SOX5: variants seen among roughly 807,000 people sequenced by gnomAD.
SOX5 encodes the protein transcription factor SOX-5.
A neutral mutation model predicts 92.0 loss-of-function variants in SOX5; 9 were observed. The observed-to-expected ratio is 0.10, with a 90% CI of 0.06 to 0.17. The LOEUF (loss-of-function observed/expected upper bound fraction) is 0.17, where lower values mean the gene tolerates loss of function less well. Ranked by LOEUF, SOX5 falls within the 10% of genes least tolerant of loss-of-function variation. SOX5 has a pLI of 1.00. For missense variants in SOX5, 642 were observed against 944.5 expected (o/e 0.68, Z 4.20); for synonymous variants, 344 against 336.3 (o/e 1.02, Z -0.25).
At chr12:24,048,856 G>A (rs1592670656) in intron 4 of SOX5, among the ~76,000 whole-genome samples, 2 of 152,224 alleles carry the variant, frequency 1.3e-5, no homozygotes, top group East Asian at 3.9e-4. Flanking sequence ...ATGGCTGTTA[G>A]TGTTTCTAGG....
At chr12:23,581,181 T>C (rs10842185) in intron 9 of SOX5, among the ~76,000 whole-genome samples, 13,833 of 152,024 alleles carry the variant, frequency 0.091, 683 homozygotes, top group South Asian at 0.14. Flanking sequence ...CCTTAGCTTT[T>C]CAAGTCTTTG....
At chr12:24,120,246 C>T (rs1244165430) in intron 4 of SOX5, among the ~76,000 whole-genome samples, 1 of 152,240 alleles carries the variant, frequency 6.6e-6, no homozygotes, top group South Asian at 2.1e-4. Flanking sequence ...TACTGCTGAA[C>T]GGTTTCCTGA....
chr12:23,925,545 A>C (rs1939717816), intron 1 of SOX5, among the ~76,000 whole-genome samples: 1 of 152,118 alleles, frequency 6.6e-6, no homozygotes, highest in Non-Finnish European at 1.5e-5. Context: ...AAATATGAAG[A>C]TGAACAGTAA....
intron 6 of SOX5, among the ~76,000 whole-genome samples, chr12:23,692,367 G>A (rs2088991530): frequency 2.0e-5 from 3 of 151,146 alleles, no homozygotes; most frequent in African/African-American, 4.9e-5. Flanking sequence ...ATCCCAGGAG[G>A]TGGAGGTTGC....
At chr12:23,853,125 C>CATAT (rs34095737) in intron 2 of SOX5, among the ~76,000 whole-genome samples, 1,759 of 146,534 alleles carry the variant, frequency 0.012, 47 homozygotes, top group African/African-American at 0.041. Flanking sequence ...TATATATATA[C>CATAT]ATATATATAT....
At chr12:23,737,358 G>C (rs577626960) in intron 5 of SOX5, among the ~76,000 whole-genome samples, 2 of 151,986 alleles carry the variant, frequency 1.3e-5, no homozygotes, top group Admixed American at 6.6e-5. Flanking sequence ...GGCCAACATA[G>C]TGAAACCCCG....
At chr12:23,682,869 A>G (rs1190393794) in intron 6 of SOX5, among the ~76,000 whole-genome samples, 1 of 151,864 alleles carries the variant, frequency 6.6e-6, no homozygotes, top group Non-Finnish European at 1.5e-5. Context: ...AATAAAGAAA[A>G]AGCTACTTAA....
intron 4 of SOX5, among the ~76,000 whole-genome samples, chr12:24,063,964 G>A (rs749604287): frequency 1.6e-4 from 25 of 152,156 alleles, no homozygotes; most frequent in Non-Finnish European, 2.8e-4. Context: ...AATAGAAAAT[G>A]CCACACAGTT....
At chr12:23,774,050 C>T (rs1594285951) in intron 3 of SOX5, among the ~76,000 whole-genome samples, 3 of 152,128 alleles carry the variant, frequency 2.0e-5, no homozygotes, top group East Asian at 3.9e-4. Context: ...GATGCCCACT[C>T]GCCTTACAGA....
At chr12:23,580,007 C>T (rs1451315935) in intron 9 of SOX5, among the ~76,000 whole-genome samples, 1 of 151,876 alleles carries the variant, frequency 6.6e-6, no homozygotes, top group Non-Finnish European at 1.5e-5. Context: ...TAGTTATCTG[C>T]CTAGTAGCTC....
chr12:24,014,264 G>A (rs562221046), intron 4 of SOX5, among the ~76,000 whole-genome samples: 4 of 152,178 alleles, frequency 2.6e-5, no homozygotes, highest in African/African-American at 4.8e-5. Context: ...TCCTTTAACC[G>A]TATGTCATCA....
chr12:23,939,780 C>G (rs1490075012), intron 1 of SOX5, among the ~76,000 whole-genome samples: 2 of 150,864 alleles, frequency 1.3e-5, no homozygotes, highest in African/African-American at 4.8e-5. Flanking sequence ...GCTTTTTGCT[C>G]TACTCCCTTG....
intron 2 of SOX5, among the ~76,000 whole-genome samples, chr12:23,895,396 G>T (rs1272195561): frequency 1.3e-5 from 2 of 151,724 alleles, no homozygotes; most frequent in African/African-American, 4.8e-5. Context: ...GAATAACACT[G>T]ATTTATCATG....
chr12:24,070,902 A>G (rs1941673214), intron 4 of SOX5, among the ~76,000 whole-genome samples: 1 of 152,186 alleles, frequency 6.6e-6, no homozygotes, highest in African/African-American at 2.4e-5. Context: ...TCCATAGATT[A>G]ATTTTGCCTA....
At chr12:23,831,693 C>A (rs760757760) in intron 3 of SOX5, among the ~76,000 whole-genome samples, 1 of 151,836 alleles carries the variant, frequency 6.6e-6, no homozygotes, top group Non-Finnish European at 1.5e-5. Context: ...ATAAGTTGTG[C>A]CTTTAGGGTC....
chr12:24,140,745 A>C (rs1431623910), intron 4 of SOX5, among the ~76,000 whole-genome samples: 1 of 152,204 alleles, frequency 6.6e-6, no homozygotes, highest in African/African-American at 2.4e-5. Context: ...GTCTATAATT[A>C]ATTTTTACCG....
At chr12:23,687,043 T>A (rs1164120866) in intron 6 of SOX5, among the ~76,000 whole-genome samples, 1 of 152,072 alleles carries the variant, frequency 6.6e-6, no homozygotes, top group Non-Finnish European at 1.5e-5. Context: ...CTATTTGGCA[T>A]AGGGTTTATG....
At chr12:23,821,207 A>G (rs1489347363) in intron 3 of SOX5, among the ~76,000 whole-genome samples, 2 of 152,180 alleles carry the variant, frequency 1.3e-5, no homozygotes, top group Non-Finnish European at 2.9e-5. Context: ...GAGTTTGCTC[A>G]TGATTTGGAT....
At chr12:23,692,695 C>T (rs1394094640) in intron 6 of SOX5, among the ~76,000 whole-genome samples, 5 of 152,082 alleles carry the variant, frequency 3.3e-5, no homozygotes, top group African/African-American at 7.2e-5. Flanking sequence ...TTCAAATATT[C>T]GGTATTTTTA....
Sources: gnomAD v4.1 joint callset for allele counts (sites outside exome capture counted in the v4.1 genomes callset) on GRCh38, gnomAD v4.1.1 for gene constraint, MANE v1.5 for transcripts, NCBI Gene and HGNC (gene_info 2026-07-23, HGNC 2026-07-21) for gene names.